The following KIF16B variants were observed in gnomAD, a reference collection of about 807,000 sequenced individuals.
KIF16B encodes kinesin-like protein KIF16B.
KIF16B carries 98 observed loss-of-function variants against 156.3 expected under a neutral mutation model. That is an observed-to-expected ratio of 0.63 (90% confidence interval 0.53 to 0.74). The LOEUF (loss-of-function observed/expected upper bound fraction) is 0.74, where lower values mean the gene tolerates loss of function less well. KIF16B is among the 30% of genes least tolerant of loss of function. KIF16B has a pLI of 0.00. For synonymous variants in KIF16B, 564 were observed against 583.7 expected (o/e 0.97, Z 0.49); for missense variants, 1,421 against 1,606.5 (o/e 0.88, Z 1.97).
chr20:16,563,560 T>C (rs2071145553), intron 1 of KIF16B, among the ~76,000 whole-genome samples: 1 of 152,098 alleles, frequency 6.6e-6, no homozygotes, highest in Non-Finnish European at 1.5e-5. Context: ...AACAAGGAAG[T>C]ATCACATCAA....
intron 1 of KIF16B, among the ~76,000 whole-genome samples, chr20:16,572,777 T>C (rs2071502361): frequency 6.6e-6 from 1 of 152,248 alleles, no homozygotes; most frequent in African/African-American, 2.4e-5. Context: ...CGATTAGACA[T>C]TCAGGGAATC....
chr20:16,520,935 G>A (rs921366624), intron 3 of KIF16B, among the ~76,000 whole-genome samples: 3 of 152,150 alleles, frequency 2.0e-5, no homozygotes, highest in African/African-American at 7.2e-5. Flanking sequence ...TGCAGCAGAG[G>A]GGCCTGACTG....
At chr20:16,511,967 TG>T (rs1364175516) in intron 5 of KIF16B, among the ~76,000 whole-genome samples, 1 of 152,024 alleles carries the variant, frequency 6.6e-6, no homozygotes, top group African/African-American at 2.4e-5. Flanking sequence ...ACCAACACGG[TG>T]AAACCCCACA....
At chr20:16,420,210 G>C (rs1354807286) in intron 15 of KIF16B, among the ~76,000 whole-genome samples, 1 of 152,154 alleles carries the variant, frequency 6.6e-6, no homozygotes, top group Non-Finnish European at 1.5e-5. Flanking sequence ...TTTCTTTTGA[G>C]TGAAGACACT....
At chr20:16,484,938 C>CA (rs2068075206) in intron 12 of KIF16B, among the ~76,000 whole-genome samples, 1 of 151,868 alleles carries the variant, frequency 6.6e-6, no homozygotes, top group African/African-American at 2.4e-5. Flanking sequence ...GATTTTTTTG[C>CA]AAAAAATGAC....
At chr20:16,366,160 T>C (rs577494403) in intron 22 of KIF16B, among the ~76,000 whole-genome samples, 34 of 152,252 alleles carry the variant, frequency 2.2e-4, no homozygotes, top group Admixed American at 7.2e-4. Flanking sequence ...AGGAGGCAGC[T>C]GACTACTGGG....
chr20:16,342,369 C>T (rs570048472), intron 23 of KIF16B, among the ~76,000 whole-genome samples: 39 of 152,192 alleles, frequency 2.6e-4, no homozygotes, highest in East Asian at 1.2e-3. Flanking sequence ...GCTCCTACCA[C>T]GTGCCTGGTA....
intron 13 of KIF16B, 151 bp from the exon 14 acceptor site, chr20:16,429,155 G>C (rs1205769790): frequency 2.9e-6 from 2 of 683,706 alleles, no homozygotes; most frequent in Non-Finnish European, 5.2e-6. Flanking sequence ...AGCTCCCCAA[G>C]GCTCTGTAAA....
At chr20:16,550,724 G>A (rs539739803) in intron 1 of KIF16B, among the ~76,000 whole-genome samples, 84 of 151,422 alleles carry the variant, frequency 5.5e-4, no homozygotes, top group African/African-American at 2.0e-3. Flanking sequence ...TTGTAGAGAC[G>A]GGTTTTCACC....
intron 3 of KIF16B, among the ~76,000 whole-genome samples, chr20:16,525,724 C>T (rs720592): frequency 0.24 from 36,225 of 152,194 alleles, 4,934 homozygotes; most frequent in East Asian, 0.34. Context: ...AATCTCCGCA[C>T]TGAATAGGAC....
chr20:16,487,903 T>G (rs1364165774), intron 12 of KIF16B, among the ~76,000 whole-genome samples: 2 of 152,228 alleles, frequency 1.3e-5, no homozygotes, highest in African/African-American at 4.8e-5. Context: ...CGACAAACAT[T>G]AATTGTTAAG....
intron 11 of KIF16B, among the ~76,000 whole-genome samples, chr20:16,497,354 C>T (rs757092703): frequency 2.6e-5 from 4 of 152,222 alleles, no homozygotes; most frequent in African/African-American, 9.6e-5. Flanking sequence ...TGAGCAGCCT[C>T]ACTGCTTTGC....
At chr20:16,569,294 C>T (rs543676851) in intron 1 of KIF16B, among the ~76,000 whole-genome samples, 1 of 152,274 alleles carries the variant, frequency 6.6e-6, no homozygotes, top group South Asian at 2.1e-4. Context: ...TGTAAAATGG[C>T]ATAACAATAA....
At chr20:16,481,647 C>T (rs921279946) in intron 12 of KIF16B, among the ~76,000 whole-genome samples, 17 of 152,026 alleles carry the variant, frequency 1.1e-4, no homozygotes, top group East Asian at 1.9e-4. Context: ...ATTACGAGAA[C>T]AAAAAAGGCT....
At chr20:16,367,314 A>G in intron 22 of KIF16B, 4 of 1,612,802 alleles carry the variant, frequency 2.5e-6, no homozygotes, top group Non-Finnish European at 3.4e-6. Context: ...TATTTCTGGA[A>G]CCCACTGAAG....
At chr20:16,465,886 G>A (rs2067477130) in intron 12 of KIF16B, among the ~76,000 whole-genome samples, 1 of 152,024 alleles carries the variant, frequency 6.6e-6, no homozygotes, top group Non-Finnish European at 1.5e-5. Context: ...ACAGAACCAA[G>A]CCCTTGCCTG....
intron 19 of KIF16B, among the ~76,000 whole-genome samples, chr20:16,376,510 A>C (rs1207154872): frequency 6.6e-6 from 1 of 152,202 alleles, no homozygotes; most frequent in Non-Finnish European, 1.5e-5. Context: ...CCTGGGAGAA[A>C]ATGAAGCACA....
chr20:16,394,786 G>C (rs1315905496), intron 17 of KIF16B, among the ~76,000 whole-genome samples: 1 of 152,114 alleles, frequency 6.6e-6, no homozygotes, highest in African/African-American at 2.4e-5. Context: ...GAAGAGAAAA[G>C]TGTGCTTGCA....
rs755316944 is a variant in KIF16B at position 16,370,584 on chromosome 20, A to C, written c.3498+2T>G. On this transcript the variant is annotated splice_donor_variant, in intron 22 of 25. Coordinates refer to ENST00000354981, the MANE Select transcript of KIF16B (RefSeq NM_024704.5). LOFTEE classifies it high-confidence loss of function. ...CTATCAATCTGAAAAATCATTACCT[A>C]CCTCATATTTTAGTTTACGTTGAAT... The C allele has an allele frequency of 6.4e-7, 1 of 1,573,648 alleles. No homozygotes were observed. The highest frequency in any genetic ancestry group is 8.6e-7 in the Non-Finnish European group (1 of 1,166,992).
Sources: allele counts gnomAD v4.1 joint callset (sites outside exome capture counted in the v4.1 genomes callset), GRCh38; gene constraint gnomAD v4.1.1; transcripts MANE v1.5; gene names NCBI Gene and HGNC (gene_info 2026-07-23, HGNC 2026-07-21).